Variants in CAB39 observed in about 807,000 individuals in gnomAD.
The protein encoded by CAB39 is calcium-binding protein 39.
A neutral mutation model predicts 40.0 loss-of-function variants in CAB39; 8 were observed. That is an observed-to-expected ratio of 0.20 (90% CI 0.12 to 0.36). The LOEUF is 0.36. Among genes scored for constraint, CAB39 ranks in the 10% least tolerant of loss-of-function variants. CAB39 has a pLI of 1.00. For missense variants in CAB39, 270 were observed against 401.1 expected, an observed-to-expected ratio of 0.67 and a Z score of 2.79; for synonymous variants, 156 against 141.6, an observed-to-expected ratio of 1.10 and a Z score of -0.72.
chr2:230,737,965 C>T (rs1463784791), intron 1 of CAB39, among the ~76,000 whole-genome samples: 2 of 152,202 alleles, frequency 1.3e-5, no homozygotes, highest in Non-Finnish European at 2.9e-5. Context: ...TTTTCACCTT[C>T]TGCCTGCTTT....
Position 230,817,819 on chromosome 2 carries a change from T to G in CAB39, c.759T>G (p.Pro253=). The G allele has an allele frequency of 1.2e-6, 2 of 1,612,876 alleles. No individual in the cohort carries two copies. The highest frequency in any genetic ancestry group is 1.7e-6 in the Non-Finnish European group (2 of 1,179,140). Residue 253 remains proline, a synonymous_variant, in exon 8 of 9, where the codon CCT becomes CCG. Transcript: ENST00000258418. ...FTIMTKYISK[P]ENLKLMMNLL... ...TTATGACAAAATACATCAGTAAACC[T>G]GAGAACCTCAAATTAATGATGAACC...
intron 2 of CAB39, among the ~76,000 whole-genome samples, chr2:230,775,250 T>G (rs1365307475): frequency 6.6e-6 from 1 of 151,908 alleles, no homozygotes; most frequent in African/African-American, 2.4e-5. Context: ...TCTTTTTTTT[T>G]TTTTGAAACA....
chr2:230,735,416 C>T (rs896600494), intron 1 of CAB39, among the ~76,000 whole-genome samples: 2 of 152,162 alleles, frequency 1.3e-5, no homozygotes, highest in Non-Finnish European at 2.9e-5. Flanking sequence ...ATCCGTCCGC[C>T]TCGGCCTCCC....
chr2:230,809,107 C>A (rs1048320547), intron 5 of CAB39, among the ~76,000 whole-genome samples: 1 of 152,198 alleles, frequency 6.6e-6, no homozygotes, highest in Non-Finnish European at 1.5e-5. Context: ...AGTAGGTAAC[C>A]ACGCAGTGGG....
chr2:230,782,184 T>G (rs565951332), intron 2 of CAB39, among the ~76,000 whole-genome samples: 13 of 152,200 alleles, frequency 8.5e-5, no homozygotes, highest in Non-Finnish European at 1.8e-4. Flanking sequence ...GTTTATCTGT[T>G]GTGTGTGTGT....
rs760707299 is a variant in CAB39, at chr2:230,793,233, A to G, written c.300A>G (p.Gln100=). Residue 100 remains glutamine (Q), a synonymous_variant, in exon 4 of 9, where the codon CAA becomes CAG. Transcript: ENST00000258418. ...AATAGGGCAAAAAAGACGTGGCTCA[A>G]ATTTTCAACAATATTCTCAGAAGAC... ...IDFEGKKDVA[Q]IFNNILRRQI... 10 of 1,611,222 alleles carry G rather than the reference A, an allele frequency of 6.2e-6. No individual in the cohort carries two copies. Among genetic ancestry groups the G allele is most frequent in the South Asian group, 1.1e-5 (1 of 90,768 alleles).
At chr2:230,793,044 C>T (rs892912423) in intron 3 of CAB39, among the ~76,000 whole-genome samples, 169 bp from the exon 4 acceptor site, 1 of 152,140 alleles carries the variant, frequency 6.6e-6, no homozygotes, top group African/African-American at 2.4e-5. Context: ...AGTAAACTTA[C>T]AATTTGGAAT....
intron 1 of CAB39, among the ~76,000 whole-genome samples, chr2:230,749,350 G>T (rs1246706414): frequency 6.6e-6 from 1 of 151,880 alleles, no homozygotes; most frequent in Admixed American, 6.6e-5. Context: ...CTCATCTTGG[G>T]TATTTCCTAC....
At chr2:230,802,731 A>G (rs1182968797) in intron 5 of CAB39, among the ~76,000 whole-genome samples, 1 of 152,210 alleles carries the variant, frequency 6.6e-6, no homozygotes, top group East Asian at 1.9e-4. Context: ...CGCTGAATAG[A>G]CCAATAACAG....
chr2:230,810,290 A>G lies in CAB39; in HGVS notation c.595A>G (p.Ser199Gly), dbSNP rs1007387793. 3 of 1,445,004 alleles carry G rather than the reference A, an allele frequency of 2.1e-6. No individual in the cohort carries two copies. Among genetic ancestry groups the G allele is most frequent in the African/African-American group, 2.9e-5 (2 of 69,874 alleles). 89.5% of individuals were successfully genotyped at this position (1,445,004 alleles called of 1,614,324 possible). A position where few individuals can be genotyped will look rare whatever the true frequency, so the allele number is the denominator to read the frequency against. Residue 199 changes from serine (S) to glycine (G), a missense_variant, in exon 6 of 9, where the codon AGT (serine) becomes GGT (glycine). Coordinates refer to ENST00000258418, the MANE Select transcript of CAB39 (RefSeq NM_016289.4). ...TTTACTTACAAGACATAAATTGCTC[A>G]GTGCAGAATTTTTGGAACAGCATTA... ...KDLLTRHKLLSAEFLEQHYDR... is the reference protein window; with the variant it reads ...KDLLTRHKLLGAEFLEQHYDR...
chr2:230,730,180 G>A (rs928344106), intron 1 of CAB39, among the ~76,000 whole-genome samples: 1 of 152,110 alleles, frequency 6.6e-6, no homozygotes, highest in Non-Finnish European at 1.5e-5. Flanking sequence ...CACGATCATG[G>A]TTCACTTCAG....
At chr2:230,724,940 A>G (rs1161458755) in intron 1 of CAB39, among the ~76,000 whole-genome samples, 1 of 152,008 alleles carries the variant, frequency 6.6e-6, no homozygotes, top group African/African-American at 2.4e-5. Context: ...TGGCAAGGGA[A>G]AAAGGACGGG....
chr2:230,714,903 C>T (rs994802447), intron 1 of CAB39, among the ~76,000 whole-genome samples: 1 of 152,162 alleles, frequency 6.6e-6, no homozygotes, highest in Non-Finnish European at 1.5e-5. Context: ...GCGTGTATGA[C>T]AAGTGAATGC....
chr2:230,732,146 A>G (rs1694703283), intron 1 of CAB39, among the ~76,000 whole-genome samples: 1 of 151,502 alleles, frequency 6.6e-6, no homozygotes, highest in Non-Finnish European at 1.5e-5. Flanking sequence ...CAGTGGCGCT[A>G]TCTTGGCTCA....
chr2:230,756,971 G>A (rs1346202205), intron 1 of CAB39, among the ~76,000 whole-genome samples: 1 of 152,210 alleles, frequency 6.6e-6, no homozygotes, highest in Non-Finnish European at 1.5e-5. Flanking sequence ...GATTACAGGC[G>A]TGAGCCACCA....
chr2:230,777,100 G>T (rs963541192), intron 2 of CAB39, among the ~76,000 whole-genome samples: 3 of 152,016 alleles, frequency 2.0e-5, no homozygotes, highest in Non-Finnish European at 4.4e-5. Flanking sequence ...TTCCTTCATA[G>T]ATTCTAATTT....
Position 230,793,133 on chromosome 2 carries a change from T to TGA in CAB39, c.280-80_280-79insGA, listed in dbSNP as rs1445408415. 14 of 755,590 alleles carry TGA rather than the reference T, an allele frequency of 1.9e-5. No individual in the cohort carries two copies. The Admixed American group carries it at 2.8e-4, about 15-fold the overall frequency. The allele number at this position is 755,590 out of a possible 1,614,324, so 46.8% of individuals were successfully genotyped here. On this transcript the variant is annotated intron_variant, in intron 3 of 8. Coordinates refer to ENST00000258418, the MANE Select transcript of CAB39 (RefSeq NM_016289.4). The stretch of plus-strand genomic sequence containing the variant: ...GTCATAACAATAAGTACAATGGCCT[T>TGA]ATTCGAGTTCATTTGGGAGGGTGAA...
At chr2:230,719,429 G>A (rs190865979) in intron 1 of CAB39, among the ~76,000 whole-genome samples, 9 of 152,232 alleles carry the variant, frequency 5.9e-5, no homozygotes, top group Admixed American at 6.5e-5. Context: ...TTAGAATGGA[G>A]GTTTATAAAT....
At chr2:230,754,813 C>G (rs1488137794) in intron 1 of CAB39, among the ~76,000 whole-genome samples, 1 of 152,200 alleles carries the variant, frequency 6.6e-6, no homozygotes, top group Admixed American at 6.5e-5. Flanking sequence ...GCCACTGCGC[C>G]CGGCCTATTT....
Sources: gnomAD v4.1 joint callset for allele counts (sites outside exome capture counted in the v4.1 genomes callset) on GRCh38, gnomAD v4.1.1 for gene constraint, MANE v1.5 for transcripts, NCBI Gene and HGNC (gene_info 2026-07-23, HGNC 2026-07-21) for gene names.